The following AP2A2 variants were observed in gnomAD, a reference collection of about 807,000 sequenced individuals.
AP2A2 encodes the protein adaptor related protein complex 2 subunit alpha 2.
In AP2A2, 32 loss-of-function variants were observed where a neutral mutation model predicts 104.2. That is an observed-to-expected ratio of 0.31 (90% CI 0.23 to 0.41). The LOEUF is 0.41. Ranked by LOEUF, AP2A2 falls within the 10% of genes least tolerant of loss-of-function variation. The pLI, the probability that AP2A2 is intolerant of heterozygous loss-of-function variation, is 1.00. For missense variants in AP2A2, 912 were observed against 1,261.0 expected, an observed-to-expected ratio of 0.72 and a Z score of 4.19; for synonymous variants, 539 against 533.3, an observed-to-expected ratio of 1.01 and a Z score of -0.15.
chr11:956,767 C>T (rs971542745), intron 1 of AP2A2: 1 of 152,160 alleles, frequency 6.6e-6, no homozygotes, highest in African/African-American at 2.4e-5. Flanking sequence ...GTGCGTTTTC[C>T]CTCTTTTGTA....
chr11:993,390 C>T lies in AP2A2; in HGVS notation c.1550+9C>T. The stretch of plus-strand genomic sequence containing the variant: ...GGAGACCCGAGATCCAGGTGAGAGG[C>T]CCTTTGCGAGTCGGGGCTGTGTGCG... On this transcript the variant is annotated intron_variant, in intron 12 of 21. Transcript: ENST00000448903. The surrounding 1 kb of genome is among the most constrained non-coding windows in gnomAD (Gnocchi z 8.2). 1 of 1,602,212 alleles carries T rather than the reference C, an allele frequency of 6.2e-7. No individual in the cohort carries two copies. Among genetic ancestry groups the T allele is most frequent in the Non-Finnish European group, 8.5e-7 (1 of 1,175,494 alleles).
chr11:983,616 C>T (rs903830722), intron 6 of AP2A2, among the ~76,000 whole-genome samples: 1 of 151,848 alleles, frequency 6.6e-6, no homozygotes, highest in African/African-American at 2.4e-5. Context: ...ATCTCCTGAC[C>T]TTGTGATCCG....
At chr11:967,679 A>G (rs1332007671) in intron 2 of AP2A2, among the ~76,000 whole-genome samples, 1 of 151,926 alleles carries the variant, frequency 6.6e-6, no homozygotes, top group Non-Finnish European at 1.5e-5. Context: ...TTTTATAGTA[A>G]CCTGCTGAGA....
At chr11:983,667 G>C (rs1247044082) in intron 6 of AP2A2, among the ~76,000 whole-genome samples, 1 of 152,212 alleles carries the variant, frequency 6.6e-6, no homozygotes, top group Non-Finnish European at 1.5e-5. Flanking sequence ...ACAGGCGGGA[G>C]CCACCGCACC....
chr11:987,455 C>G (rs1855499259), intron 9 of AP2A2, among the ~76,000 whole-genome samples: 1 of 152,012 alleles, frequency 6.6e-6, no homozygotes, highest in Admixed American at 6.6e-5. Flanking sequence ...CGAGACCATC[C>G]CGGCTAACAC....
At chr11:948,262 G>A (rs1426130855) in intron 1 of AP2A2, among the ~76,000 whole-genome samples, 3 of 152,204 alleles carry the variant, frequency 2.0e-5, no homozygotes. Flanking sequence ...GCAGGAATGA[G>A]AGGGGAGATT....
At chr11:931,475 C>T (rs922894188) in intron 1 of AP2A2, among the ~76,000 whole-genome samples, 1 of 152,164 alleles carries the variant, frequency 6.6e-6, no homozygotes, top group African/African-American at 2.4e-5. Context: ...ACAATCAGGA[C>T]TGCAAGGAAA....
intron 18 of AP2A2, 196 bp from the exon 19 acceptor site, chr11:1,008,904 G>C (rs139722841): frequency 8.3e-6 from 5 of 600,608 alleles, no homozygotes; most frequent in Non-Finnish European, 1.2e-5. Context: ...ATGCGGCCCT[G>C]GCCTGTCCTC....
At position 994,034 on chromosome 11, in the gene AP2A2, A is replaced by G. The variant is rs553893040; in HGVS notation, c.1783-38A>G. 4.3e-6 allele frequency: 7 copies of G among 1,609,310 alleles called. No individual in the cohort carries two copies. In the South Asian group the frequency reaches 6.6e-5, roughly 15 times the overall value. ...CTGGCTTGGCTGAGGGTTGGAGGCC[A>G]GGAGCTCTGACCAGTCCCACCCTGT... On this transcript the variant is annotated intron_variant, in intron 13 of 21. Coordinates refer to ENST00000448903, the MANE Select transcript of AP2A2 (RefSeq NM_012305.4).
intron 6 of AP2A2, among the ~76,000 whole-genome samples, chr11:981,944 T>C (rs1482789932): frequency 6.6e-6 from 1 of 152,270 alleles, no homozygotes; most frequent in Non-Finnish European, 1.5e-5. Context: ...TCCCCTGCCG[T>C]GCACACGGCT....
At chr11:1,007,952 C>A (rs922171054) in intron 17 of AP2A2, 60 bp from the exon 18 acceptor site, 2 of 1,550,122 alleles carry the variant, frequency 1.3e-6, no homozygotes, top group Admixed American at 3.9e-5. Flanking sequence ...GGGCTCTAGC[C>A]CGGCCCGTTT....
chr11:1,004,956 T>G (rs1856157359), intron 16 of AP2A2, among the ~76,000 whole-genome samples: 1 of 152,142 alleles, frequency 6.6e-6, no homozygotes, highest in South Asian at 2.1e-4. Flanking sequence ...ATGGAATTAC[T>G]CTGTGACCCA....
Position 925,934 on chromosome 11 carries a change from C to A in AP2A2, c.-88C>A. The A allele has an allele frequency of 9.6e-7, 1 of 1,041,388 alleles. No homozygotes were observed. Among genetic ancestry groups the A allele is most frequent in the South Asian group, 2.5e-5 (1 of 39,572 alleles). 64.5% of individuals were successfully genotyped at this position (1,041,388 alleles called of 1,614,324 possible). ...CGGCTCCCCGGCGGCTCCTCCGCGG[C>A]GGTGACGGCGACCGCACTCCCCGCT... is the stretch of plus-strand genomic sequence containing the variant. On this transcript the variant is annotated 5_prime_UTR_variant, in exon 1 of 22. Coordinates refer to ENST00000448903, the MANE Select transcript of AP2A2 (RefSeq NM_012305.4).
intron 2 of AP2A2, among the ~76,000 whole-genome samples, chr11:961,370 G>C (rs1854430863): frequency 7.0e-6 from 1 of 142,278 alleles, no homozygotes; most frequent in Non-Finnish European, 1.5e-5. Context: ...AAAGTAAAGG[G>C]CAGAAGCAGA....
intron 3 of AP2A2, 71 bp downstream of exon 3, chr11:970,382 G>A (rs1027752628): frequency 6.4e-7 from 1 of 1,559,964 alleles, no homozygotes. Context: ...CGGTGCCCGT[G>A]TAGGGCCGCT....
intron 14 of AP2A2, among the ~76,000 whole-genome samples, chr11:998,552 T>C (rs1230833275): frequency 2.0e-5 from 3 of 152,132 alleles, no homozygotes; most frequent in Non-Finnish European, 4.4e-5. Flanking sequence ...AGATGTCCAG[T>C]GGAACATTCT....
chr11:942,874 C>T (rs1853702767), intron 1 of AP2A2, among the ~76,000 whole-genome samples: 1 of 152,070 alleles, frequency 6.6e-6, no homozygotes, highest in African/African-American at 2.4e-5. Flanking sequence ...TTGTCCCAGC[C>T]TGGAGGGGAG....
intron 10 of AP2A2, 37 bp downstream of exon 10, chr11:988,726 A>T: frequency 6.2e-7 from 1 of 1,609,800 alleles, no homozygotes; most frequent in South Asian, 1.1e-5. Context: ...CTCCTGCCAC[A>T]GGCGTGAATC....
chr11:927,510 TAAA>T (rs10665614), intron 1 of AP2A2, among the ~76,000 whole-genome samples: 152 of 131,748 alleles, frequency 1.2e-3, no homozygotes, highest in Non-Finnish European at 1.8e-3. Flanking sequence ...TGTACTCTGT[TAAA>T]AAAAAAAAAA....
Sources: allele counts gnomAD v4.1 joint callset (sites outside exome capture counted in the v4.1 genomes callset), GRCh38; gene constraint gnomAD v4.1.1; non-coding constraint Gnocchi (gnomAD v3.1); transcripts MANE v1.5; gene names NCBI Gene and HGNC (gene_info 2026-07-23, HGNC 2026-07-21).